SLC6A15: variants seen among roughly 807,000 people sequenced by gnomAD.
SLC6A15 encodes solute carrier family 6 member 15.
A neutral mutation model predicts 68.5 loss-of-function variants in SLC6A15; 33 were observed. The observed-to-expected ratio is 0.48, with a 90% CI of 0.37 to 0.64. SLC6A15 has a LOEUF of 0.64. Ranked by LOEUF, SLC6A15 falls within the 30% of genes least tolerant of loss-of-function variation. The probability of loss-of-function intolerance (pLI) is 0.00; values close to 1 mark genes in which losing one functional copy is unlikely to be tolerated. For synonymous variants in SLC6A15, 347 were observed against 301.0 expected (o/e 1.15, Z -1.58); for missense variants, 747 against 874.3 (o/e 0.85, Z 1.84).
intron 1 of SLC6A15, among the ~76,000 whole-genome samples, chr12:84,899,265 C>T (rs1025372449): frequency 1.3e-5 from 2 of 152,078 alleles, no homozygotes; most frequent in Non-Finnish European, 2.9e-5. Flanking sequence ...TAGAGATAAA[C>T]CTTACTTTTT....
Position 84,859,620 on chromosome 12 carries a change from G to A in SLC6A15, c.*2012C>T, listed in dbSNP as rs1372832787. ...GCAAGAGAGTGAGAGAAGAAGAATG[G>A]TGCTATTTGGCAATACATTATTGTG... is the stretch of plus-strand genomic sequence containing the variant. On this transcript the variant is annotated 3_prime_UTR_variant, in exon 12 of 12. Coordinates refer to ENST00000266682, the MANE Select transcript of SLC6A15 (RefSeq NM_182767.6). 1 of 151,656 alleles carries A rather than the reference G, an allele frequency of 6.6e-6. No individual in the cohort carries two copies. The highest frequency in any genetic ancestry group is 6.6e-5 in the Admixed American group (1 of 15,214). 9.4% of individuals were successfully genotyped at this position (151,656 alleles called of 1,614,324 possible). A position where few individuals can be genotyped will look rare whatever the true frequency, so the allele number is the denominator to read the frequency against.
chr12:84,899,410 A>T (rs529763525), intron 1 of SLC6A15, among the ~76,000 whole-genome samples: 1 of 152,348 alleles, frequency 6.6e-6, no homozygotes, highest in East Asian at 1.9e-4. Context: ...GGAGAGGCAC[A>T]AAGTGATAAA....
At position 84,863,299 on chromosome 12, in the gene SLC6A15, C is replaced by T. The variant is rs749177371; in HGVS notation, c.1818+140G>A. The stretch of plus-strand genomic sequence containing the variant: ...ACATATGCTCGGGGCAGAGCACAAA[C>T]GTAAATCTCATATCCTTGCATAAAA... On this transcript the variant is annotated intron_variant, in intron 11 of 11. Coordinates refer to ENST00000266682, the MANE Select transcript of SLC6A15 (RefSeq NM_182767.6). The T allele has an allele frequency of 2.4e-5, 14 of 594,928 alleles. 1 individual carries two copies. The highest frequency in any genetic ancestry group is 2.9e-5 in the Non-Finnish European group (10 of 347,862). 36.9% of individuals were successfully genotyped at this position (594,928 alleles called of 1,614,324 possible).
Position 84,883,875 on chromosome 12 carries a change from A to G in SLC6A15, c.740T>C (p.Ile247Thr). The G allele has an allele frequency of 6.2e-7, 1 of 1,614,100 alleles. No individual in the cohort carries two copies. Among genetic ancestry groups the G allele is most frequent in the South Asian group, 1.1e-5 (1 of 91,064 alleles). ...CATACTAACTTTTCCAGAAGACTGAATGCCTTTGATCATAGCCAAGCAAAC... is the reference window on the plus strand; with the variant it reads ...CATACTAACTTTTCCAGAAGACTGAGTGCCTTTGATCATAGCCAAGCAAAC... Reference protein sequence around the residue: ...VMVCLAMIKGIQSSGKIIYFS... With the variant: ...VMVCLAMIKGTQSSGKIIYFS... The change falls in exon 5 of 12, where the codon ATT becomes ACT. Residue 247 changes from isoleucine to threonine, a missense_variant. Coordinates refer to ENST00000266682, the MANE Select transcript of SLC6A15 (RefSeq NM_182767.6).
At position 84,872,674 on chromosome 12, in the gene SLC6A15, A is replaced by T; in HGVS notation, c.1230T>A (p.Ile410=). The change falls in exon 8 of 12, where the codon ATT becomes ATA. Residue 410 remains isoleucine, a synonymous_variant. Coordinates refer to ENST00000266682, the MANE Select transcript of SLC6A15 (RefSeq NM_182767.6). ...AEDYHLVYDI[I]QKVKEEEFPA... is the part of the protein sequence containing the mutation. ...GAAACTCTTCTTCTTTCACTTTTTG[A>T]ATGATGTCATAAACTAAATGATAAT... 6.2e-7 allele frequency: 1 copy of T among 1,612,682 alleles called. No individual in the cohort carries two copies. Among genetic ancestry groups the T allele is most frequent in the Non-Finnish European group, 8.5e-7 (1 of 1,179,572 alleles).
intron 5 of SLC6A15, among the ~76,000 whole-genome samples, chr12:84,878,461 A>T (rs1871661637): frequency 6.6e-6 from 1 of 152,092 alleles, no homozygotes; most frequent in African/African-American, 2.4e-5. Flanking sequence ...AGAAGCATGG[A>T]TTCACTTTTG....
intron 1 of SLC6A15, among the ~76,000 whole-genome samples, chr12:84,897,975 A>G (rs562668087): frequency 3.0e-4 from 46 of 152,340 alleles, no homozygotes; most frequent in African/African-American, 9.6e-4. Context: ...TCAAAAATTG[A>G]AATGAGAGGA....
In SLC6A15 at chr12:84,861,929, T is replaced by C. The variant is rs1188602276; in HGVS notation, c.1896A>G (p.Pro632=). Residue 632 remains proline, a synonymous_variant, in exon 12 of 12, where the codon CCA becomes CCG. Coordinates refer to ENST00000266682, the MANE Select transcript of SLC6A15 (RefSeq NM_182767.6). ...GACGAACAATGAAAACTACAGGGAC[T>C]GGGAGTATTGCAAAGACAACCAGAG... is the stretch of plus-strand genomic sequence containing the variant. ...CVSLVVFAIL[P]VPVVFIVRRF... is the part of the protein sequence containing the mutation. The C allele has an allele frequency of 1.2e-6, 2 of 1,613,874 alleles. No individual in the cohort carries two copies. Among genetic ancestry groups the C allele is most frequent in the Admixed American group, 1.7e-5 (1 of 59,970 alleles).
intron 6 of SLC6A15, among the ~76,000 whole-genome samples, chr12:84,874,132 A>G (rs1049755896): frequency 1.3e-5 from 2 of 152,184 alleles, no homozygotes; most frequent in African/African-American, 4.8e-5. Flanking sequence ...TTGCCATTAC[A>G]ATCAAATTGC....
intron 1 of SLC6A15, among the ~76,000 whole-genome samples, chr12:84,901,831 A>C (rs1872896584): frequency 2.0e-5 from 3 of 151,886 alleles, no homozygotes. Context: ...TTCACTGAAA[A>C]AAAAGTTTTA....
At chr12:84,904,732 GT>G (rs1256456920) in intron 1 of SLC6A15, among the ~76,000 whole-genome samples, 1 of 152,100 alleles carries the variant, frequency 6.6e-6, no homozygotes, top group African/African-American at 2.4e-5. Flanking sequence ...CTTGGATATC[GT>G]AAGTGAAACA....
chr12:84,861,891 A>AT lies in SLC6A15; in HGVS notation c.1933dup (p.Ile645AsnfsTer3). 6.2e-7 allele frequency: 1 copy of AT among 1,614,000 alleles called. No individual in the cohort carries two copies. The highest frequency in any genetic ancestry group is 1.3e-5 in the African/African-American group (1 of 75,014). The stretch of plus-strand genomic sequence containing the variant: ...TGCTAAATTACCAGAACTATCATCT[A>AT]TAAGGTTGAAGCGACGAACAATGAA... On this transcript the variant is annotated frameshift_variant, in exon 12 of 12. Coordinates refer to ENST00000266682, the MANE Select transcript of SLC6A15 (RefSeq NM_182767.6). LOFTEE classifies it high-confidence loss of function.
intron 1 of SLC6A15, among the ~76,000 whole-genome samples, chr12:84,905,115 T>A (rs1211881269): frequency 6.6e-6 from 1 of 151,996 alleles, no homozygotes; most frequent in Non-Finnish European, 1.5e-5. Flanking sequence ...TAGTAAAAAA[T>A]AAAAAACTAC....
intron 5 of SLC6A15, among the ~76,000 whole-genome samples, chr12:84,880,384 T>C (rs778297208): frequency 5.9e-5 from 9 of 152,314 alleles, no homozygotes; most frequent in Admixed American, 1.3e-4. Context: ...ATGAGTTAAA[T>C]TCAACCTATT....
chr12:84,902,280 T>A (rs1012141961), intron 1 of SLC6A15, among the ~76,000 whole-genome samples: 1 of 151,744 alleles, frequency 6.6e-6, no homozygotes, highest in African/African-American at 2.4e-5. Flanking sequence ...TAAATGTATA[T>A]TTTTTTTCCC....
At chr12:84,890,518 T>A (rs114321309) in intron 2 of SLC6A15, among the ~76,000 whole-genome samples, 166 of 152,316 alleles carry the variant, frequency 1.1e-3, no homozygotes, top group African/African-American at 3.8e-3. Flanking sequence ...AAATAATTCA[T>A]GTGTGAGGTT....
At chr12:84,889,804 T>A (rs1872305021) in intron 2 of SLC6A15, among the ~76,000 whole-genome samples, 1 of 152,262 alleles carries the variant, frequency 6.6e-6, no homozygotes, top group South Asian at 2.1e-4. Context: ...ACATGGGTAG[T>A]GTGTAAAAGA....
At chr12:84,898,113 G>T (rs11116647) in intron 1 of SLC6A15, among the ~76,000 whole-genome samples, 2,986 of 152,296 alleles carry the variant, frequency 0.02, 73 homozygotes, top group South Asian at 0.095. Flanking sequence ...GCTGAGATGG[G>T]CAGATCACTT....
In SLC6A15 at chr12:84,892,132, C is replaced by T. The variant is rs569633287; in HGVS notation, c.-12G>A. On this transcript the variant is annotated 5_prime_UTR_variant, in exon 2 of 12. Transcript: ENST00000266682. ...CTATTTTTGGGCATTGGAGAGTATG[C>T]GAAGTATTTAAAAAAAAAAAAAAAA... 1,144 of 1,454,902 alleles carry T rather than the reference C, an allele frequency of 7.9e-4. 19 individuals carry two copies. The South Asian group carries it at 0.014, about 18-fold the overall frequency. 90.1% of individuals were successfully genotyped at this position (1,454,902 alleles called of 1,614,324 possible).
Sources: gnomAD v4.1 joint callset for allele counts (sites outside exome capture counted in the v4.1 genomes callset) on GRCh38, gnomAD v4.1.1 for gene constraint, MANE v1.5 for transcripts, NCBI Gene and HGNC (gene_info 2026-07-23, HGNC 2026-07-21) for gene names.